The following PTPRO variants were observed in gnomAD, a reference collection of about 807,000 sequenced individuals.
PTPRO encodes the protein protein tyrosine phosphatase receptor type O.
PTPRO carries 62 observed loss-of-function variants against 145.2 expected under a neutral mutation model. That is an observed-to-expected ratio of 0.43 (90% CI 0.35 to 0.53). PTPRO has a LOEUF of 0.53. PTPRO is among the 20% of genes least tolerant of loss of function. The probability of loss-of-function intolerance (pLI) is 0.01; values close to 1 mark genes in which losing one functional copy is unlikely to be tolerated. For missense variants in PTPRO, 1,345 were observed against 1,482.7 expected, an observed-to-expected ratio of 0.91 and a Z score of 1.53; for synonymous variants, 565 against 514.7, an observed-to-expected ratio of 1.10 and a Z score of -1.32.
At chr12:15,578,634 A>T (rs1944238802) in intron 19 of PTPRO, among the ~76,000 whole-genome samples, 1 of 152,194 alleles carries the variant, frequency 6.6e-6, no homozygotes. Flanking sequence ...AGGGCAAACC[A>T]AACAAGCAAG....
intron 1 of PTPRO, among the ~76,000 whole-genome samples, chr12:15,478,702 C>G (rs143014814): frequency 3.9e-5 from 6 of 152,150 alleles, no homozygotes; most frequent in African/African-American, 1.4e-4. Context: ...GACAGAGTCT[C>G]TCTCTGTCGC....
chr12:15,347,852 G>T (rs1435656749), intron 1 of PTPRO, among the ~76,000 whole-genome samples: 1 of 152,120 alleles, frequency 6.6e-6, no homozygotes, highest in Non-Finnish European at 1.5e-5. Flanking sequence ...TAACACTTAT[G>T]AAAAGTTATG....
chr12:15,494,569 C>T (rs1591651533), intron 2 of PTPRO, among the ~76,000 whole-genome samples: 1 of 152,110 alleles, frequency 6.6e-6, no homozygotes, highest in African/African-American at 2.4e-5. Context: ...TAGACATCAA[C>T]AGGATTTACT....
intron 1 of PTPRO, among the ~76,000 whole-genome samples, chr12:15,324,368 G>A (rs182833235): frequency 6.9e-4 from 105 of 152,284 alleles, no homozygotes; most frequent in African/African-American, 2.5e-3. Context: ...GACTTGGTTG[G>A]GAGTGGGGGT....
chr12:15,470,881 G>A (rs1169879714), intron 1 of PTPRO, among the ~76,000 whole-genome samples: 3 of 152,186 alleles, frequency 2.0e-5, no homozygotes, highest in Non-Finnish European at 4.4e-5. Context: ...ACAGGCTGGG[G>A]CAGACCTGCC....
chr12:15,479,128 T>A (rs888974637), intron 1 of PTPRO, among the ~76,000 whole-genome samples: 1 of 152,150 alleles, frequency 6.6e-6, no homozygotes, highest in Non-Finnish European at 1.5e-5. Flanking sequence ...ACGGTGAGGA[T>A]GAAGAATAAA....
chr12:15,487,598 A>G (rs1267113903), intron 2 of PTPRO, among the ~76,000 whole-genome samples: 1 of 151,730 alleles, frequency 6.6e-6, no homozygotes, highest in Non-Finnish European at 1.5e-5. Context: ...AGCCCCCCAG[A>G]GGGAGGCTCT....
chr12:15,419,737 T>G (rs554359939), intron 1 of PTPRO, among the ~76,000 whole-genome samples: 1 of 150,756 alleles, frequency 6.6e-6, no homozygotes, highest in East Asian at 1.9e-4. Flanking sequence ...TCTTTGGTGT[T>G]TTTTTTTTCC....
chr12:15,544,471 G>A (rs1425247867), intron 12 of PTPRO, among the ~76,000 whole-genome samples: 1 of 130,964 alleles, frequency 7.6e-6, no homozygotes, highest in Non-Finnish European at 1.5e-5. Context: ...CACCACCACT[G>A]CACTCCAGCC....
intron 7 of PTPRO, among the ~76,000 whole-genome samples, chr12:15,509,387 AACTT>A (rs1364240207): frequency 2.0e-5 from 3 of 150,754 alleles, no homozygotes; most frequent in Non-Finnish European, 2.9e-5. Context: ...AAAAAAAAAA[AACTT>A]AAAAATGTAA....
chr12:15,350,515 G>A (rs888829355), intron 1 of PTPRO, among the ~76,000 whole-genome samples: 1 of 152,212 alleles, frequency 6.6e-6, no homozygotes, highest in African/African-American at 2.4e-5. Flanking sequence ...GAACAGTGAA[G>A]GCTGGTGTTG....
At chr12:15,459,587 C>T (rs1401125741) in intron 1 of PTPRO, among the ~76,000 whole-genome samples, 1 of 152,158 alleles carries the variant, frequency 6.6e-6, no homozygotes, top group Non-Finnish European at 1.5e-5. Context: ...AGCTTCTAAA[C>T]TGGCTTCTGA....
At chr12:15,487,251 T>G (rs1591645116) in intron 2 of PTPRO, among the ~76,000 whole-genome samples, 1 of 152,262 alleles carries the variant, frequency 6.6e-6, no homozygotes, top group East Asian at 1.9e-4. Flanking sequence ...ACACCGACAC[T>G]GAAATTCTAC....
intron 9 of PTPRO, 29 bp downstream of exon 9, chr12:15,516,985 T>A: frequency 6.3e-7 from 1 of 1,580,248 alleles, no homozygotes. Flanking sequence ...ACTGTCAGTC[T>A]TTCCTATGGG....
intron 2 of PTPRO, 108 bp downstream of exon 2, chr12:15,484,355 T>A: frequency 3.3e-6 from 4 of 1,222,802 alleles, no homozygotes; most frequent in Non-Finnish European, 4.7e-6. Context: ...TCACTTGCCT[T>A]AATGCCAAGT....
chr12:15,356,479 G>A (rs1937992550), intron 1 of PTPRO, among the ~76,000 whole-genome samples: 1 of 152,162 alleles, frequency 6.6e-6, no homozygotes, highest in African/African-American at 2.4e-5. Flanking sequence ...TATAAATGGA[G>A]GGGTGGGTAG....
intron 12 of PTPRO, among the ~76,000 whole-genome samples, chr12:15,535,355 T>C (rs558707984): frequency 6.6e-6 from 1 of 152,006 alleles, no homozygotes; most frequent in Non-Finnish European, 1.5e-5. Flanking sequence ...CCCCAGCAGT[T>C]AGAAATTCAG....
intron 1 of PTPRO, among the ~76,000 whole-genome samples, chr12:15,329,422 T>G (rs1866544077): frequency 6.6e-6 from 1 of 152,246 alleles, no homozygotes; most frequent in Non-Finnish European, 1.5e-5. Context: ...TATTGTATTT[T>G]GATAAACTCT....
At chr12:15,546,241 A>G in intron 12 of PTPRO, 1 of 842,340 alleles carries the variant, frequency 1.2e-6, no homozygotes, top group Non-Finnish European at 1.5e-6. Context: ...TCATCCAGGA[A>G]GTTCTGTATT....
Sources: gnomAD v4.1 joint callset for allele counts (sites outside exome capture counted in the v4.1 genomes callset) on GRCh38, gnomAD v4.1.1 for gene constraint, MANE v1.5 for transcripts, NCBI Gene and HGNC (gene_info 2026-07-23, HGNC 2026-07-21) for gene names.